DIAPH2: variants seen among roughly 807,000 people sequenced by gnomAD.
DIAPH2 encodes the protein protein diaphanous homolog 2.
In DIAPH2, 35 loss-of-function variants were observed where a neutral mutation model predicts 92.7. That is an observed-to-expected ratio of 0.38 (90% CI 0.29 to 0.50). DIAPH2 has a LOEUF of 0.50. DIAPH2 is among the 20% of genes least tolerant of loss of function. The pLI, the probability that DIAPH2 is intolerant of heterozygous loss-of-function variation, is 0.94. For missense variants in DIAPH2, 701 were observed against 819.5 expected (o/e 0.86, Z 1.77); for synonymous variants, 301 against 280.4 (o/e 1.07, Z -0.73).
At chrX:97,274,849 C>G (rs766827669) in intron 23 of DIAPH2, among the ~76,000 whole-genome samples, 13 of 110,522 alleles carry the variant, frequency 1.2e-4, no homozygotes, top group Non-Finnish European at 1.9e-4. Flanking sequence ...TGACTCTTAA[C>G]GAGCATGCTG....
chrX:97,585,150 A>C (rs1342654352), intron 26 of DIAPH2, among the ~76,000 whole-genome samples: 1 of 111,655 alleles, frequency 9.0e-6, no homozygotes, highest in East Asian at 2.8e-4. Context: ...GTGATGATGC[A>C]GGGTATCCTT....
chrX:97,469,353 G>A (rs751592970), intron 26 of DIAPH2, among the ~76,000 whole-genome samples: 17 of 112,012 alleles, frequency 1.5e-4, no homozygotes, highest in Admixed American at 1.4e-3. Flanking sequence ...AAGGACATCC[G>A]TATCATAGAA....
intron 23 of DIAPH2, among the ~76,000 whole-genome samples, chrX:97,300,793 A>T (rs1165362734): frequency 4.1e-5 from 4 of 98,174 alleles, no homozygotes; most frequent in Non-Finnish European, 8.2e-5. Flanking sequence ...TTAGCCGGGC[A>T]TGGTGGCGGG....
chrX:97,370,130 G>C (rs1190410981), intron 24 of DIAPH2, among the ~76,000 whole-genome samples: 1 of 111,448 alleles, frequency 9.0e-6, no homozygotes, highest in African/African-American at 3.3e-5. Flanking sequence ...GATAATGAAT[G>C]AATGAATGTT....
intron 17 of DIAPH2, among the ~76,000 whole-genome samples, chrX:97,020,420 G>A (rs1323623185): frequency 8.9e-6 from 1 of 111,760 alleles, no homozygotes; most frequent in Non-Finnish European, 1.9e-5. Context: ...TCCACAGGGG[G>A]ATATAAAACC....
At chrX:96,760,106 C>G (rs1043748298) in intron 4 of DIAPH2, among the ~76,000 whole-genome samples, 1 of 111,210 alleles carries the variant, frequency 9.0e-6, no homozygotes, top group Non-Finnish European at 1.9e-5. Flanking sequence ...GCACAGCACT[C>G]TGATAAGATT....
chrX:97,273,047 C>T (rs893445365), intron 23 of DIAPH2, among the ~76,000 whole-genome samples: 5 of 111,537 alleles, frequency 4.5e-5, no homozygotes, highest in African/African-American at 1.3e-4. Context: ...CCCAGCTACT[C>T]GGGAGGCTGA....
At chrX:97,035,644 T>A (rs1256278327) in intron 17 of DIAPH2, among the ~76,000 whole-genome samples, 1 of 111,912 alleles carries the variant, frequency 8.9e-6, no homozygotes, top group East Asian at 2.8e-4. Flanking sequence ...GTTGAAAGGC[T>A]TGGATTCAGT....
At chrX:97,297,107 T>G (rs2068650971) in intron 23 of DIAPH2, among the ~76,000 whole-genome samples, 1 of 61,899 alleles carries the variant, frequency 1.6e-5, no homozygotes, top group Non-Finnish European at 3.6e-5. Flanking sequence ...TTTTTTTTTT[T>G]TTTTAAACAA....
At chrX:97,498,944 G>C (rs976939557) in intron 26 of DIAPH2, among the ~76,000 whole-genome samples, 1 of 111,235 alleles carries the variant, frequency 9.0e-6, no homozygotes, top group South Asian at 3.9e-4. Flanking sequence ...AAATGCTAAA[G>C]GTTACAGGTT....
chrX:97,023,463 T>G (rs1178786939), intron 17 of DIAPH2, among the ~76,000 whole-genome samples: 1 of 111,710 alleles, frequency 9.0e-6, no homozygotes, highest in Non-Finnish European at 1.9e-5. Flanking sequence ...CAATGAAAAC[T>G]AATATTTTCC....
intron 22 of DIAPH2, among the ~76,000 whole-genome samples, chrX:97,194,114 G>C (rs1183521050): frequency 9.0e-6 from 1 of 110,623 alleles, no homozygotes; most frequent in East Asian, 2.8e-4. Flanking sequence ...CGCAGAGTCA[G>C]ATTTAGAACC....
intron 23 of DIAPH2, among the ~76,000 whole-genome samples, chrX:97,331,470 AG>A (rs1292347872): frequency 8.9e-6 from 1 of 112,220 alleles, no homozygotes; most frequent in Non-Finnish European, 1.9e-5. Context: ...CATATATTTT[AG>A]GGAAACCTTA....
intron 20 of DIAPH2, among the ~76,000 whole-genome samples, chrX:97,111,026 G>C (rs1487617360): frequency 9.0e-6 from 1 of 111,237 alleles, no homozygotes; most frequent in Non-Finnish European, 1.9e-5. Context: ...TTTGATGTCT[G>C]AGAAGATGGT....
chrX:96,965,987 C>T (rs1292062499), intron 17 of DIAPH2, among the ~76,000 whole-genome samples: 1 of 111,810 alleles, frequency 8.9e-6, no homozygotes, highest in Non-Finnish European at 1.9e-5. Context: ...ATAATCCATA[C>T]TCTCATGCCC....
intron 21 of DIAPH2, among the ~76,000 whole-genome samples, chrX:97,140,526 C>G (rs1162642781): frequency 1.8e-5 from 2 of 111,666 alleles, no homozygotes; most frequent in African/African-American, 6.5e-5. Context: ...TCATTGTGAC[C>G]TCTTGAACTA....
chrX:97,219,890 A>G (rs981371942), intron 22 of DIAPH2, among the ~76,000 whole-genome samples: 5 of 112,101 alleles, frequency 4.5e-5, no homozygotes, highest in African/African-American at 1.6e-4. Context: ...CAAAATACTC[A>G]TCGTTGAGAA....
At chrX:97,594,308 T>C (rs2071537092) in intron 26 of DIAPH2, among the ~76,000 whole-genome samples, 1 of 111,919 alleles carries the variant, frequency 8.9e-6, no homozygotes, top group Non-Finnish European at 1.9e-5. Context: ...TCAAGCCTAA[T>C]TTGGCTGCCA....
At chrX:97,171,792 C>G (rs922197650) in intron 22 of DIAPH2, among the ~76,000 whole-genome samples, 4 of 110,725 alleles carry the variant, frequency 3.6e-5, no homozygotes, top group Non-Finnish European at 7.6e-5. Flanking sequence ...TACAAAAAAT[C>G]AGCCAGGCGT....
Sources: gnomAD v4.1 joint callset for allele counts (sites outside exome capture counted in the v4.1 genomes callset) on GRCh38, gnomAD v4.1.1 for gene constraint, MANE v1.5 for transcripts, NCBI Gene and HGNC (gene_info 2026-07-23, HGNC 2026-07-21) for gene names.